The following CCSER1 variants were observed in gnomAD, a reference collection of about 807,000 sequenced individuals.
CCSER1 encodes serine-rich coiled-coil domain-containing protein 1.
A neutral mutation model predicts 82.0 loss-of-function variants in CCSER1; 41 were observed. The observed-to-expected ratio is 0.50, with a 90% confidence interval of 0.39 to 0.65. The LOEUF (loss-of-function observed/expected upper bound fraction) is 0.65. Among genes scored for constraint, CCSER1 ranks in the 30% least tolerant of loss-of-function variants. The probability of loss-of-function intolerance (pLI) is 0.00; values close to 1 mark genes in which losing one functional copy is unlikely to be tolerated. For missense variants in CCSER1, 1,119 were observed against 1,064.2 expected, an observed-to-expected ratio of 1.05 and a Z score of -0.72; for synonymous variants, 414 against 383.9, an observed-to-expected ratio of 1.08 and a Z score of -0.92.
intron 10 of CCSER1, among the ~76,000 whole-genome samples, chr4:91,197,777 C>G (rs1735572233): frequency 6.6e-6 from 1 of 152,084 alleles, no homozygotes; most frequent in Non-Finnish European, 1.5e-5. Flanking sequence ...ATACGTGCCC[C>G]CATGGTATCT....
At chr4:90,362,543 T>C (rs1461056316) in intron 3 of CCSER1, among the ~76,000 whole-genome samples, 2 of 152,220 alleles carry the variant, frequency 1.3e-5, no homozygotes, top group African/African-American at 4.8e-5. Flanking sequence ...CTAGCTCTTA[T>C]TCAAAATCTC....
chr4:91,312,148 C>T (rs956318694), intron 10 of CCSER1, among the ~76,000 whole-genome samples: 13 of 151,666 alleles, frequency 8.6e-5, no homozygotes, highest in African/African-American at 2.9e-4. Context: ...ATTCTAGTTG[C>T]ACAGTAAGTC....
chr4:91,443,681 GA>G (rs1755362019), intron 10 of CCSER1, among the ~76,000 whole-genome samples: 1 of 147,200 alleles, frequency 6.8e-6, no homozygotes, highest in Non-Finnish European at 1.5e-5. Flanking sequence ...TAAAATAAAA[GA>G]AAATAATATT....
chr4:90,955,903 T>C (rs1031756091), intron 9 of CCSER1, among the ~76,000 whole-genome samples: 2 of 152,270 alleles, frequency 1.3e-5, no homozygotes, highest in Middle Eastern at 3.4e-3. Flanking sequence ...AAGAAGCCAA[T>C]CTAAAATAGA....
At chr4:90,413,903 T>C (rs765345716) in intron 4 of CCSER1, among the ~76,000 whole-genome samples, 13 of 123,240 alleles carry the variant, frequency 1.1e-4, no homozygotes, top group East Asian at 4.9e-4. Flanking sequence ...GAGCCAAGAT[T>C]GCGCCACTGC....
At chr4:91,108,512 A>T (rs1298146511) in intron 10 of CCSER1, among the ~76,000 whole-genome samples, 1 of 152,240 alleles carries the variant, frequency 6.6e-6, no homozygotes, top group African/African-American at 2.4e-5. Flanking sequence ...ACCATTGTCA[A>T]ACCAAATCAT....
intron 10 of CCSER1, among the ~76,000 whole-genome samples, chr4:91,171,996 T>G (rs1322587377): frequency 6.6e-6 from 1 of 152,096 alleles, no homozygotes; most frequent in African/African-American, 2.4e-5. Flanking sequence ...CTTCTTTATA[T>G]TCAATAAAAA....
intron 10 of CCSER1, among the ~76,000 whole-genome samples, chr4:91,477,220 G>A (rs1757644269): frequency 6.6e-6 from 1 of 151,628 alleles, no homozygotes; most frequent in Non-Finnish European, 1.5e-5. Flanking sequence ...TAACTTAATA[G>A]TAAAAAATAA....
intron 1 of CCSER1, among the ~76,000 whole-genome samples, chr4:90,247,353 T>C (rs1252275001): frequency 6.6e-6 from 1 of 152,114 alleles, no homozygotes; most frequent in Non-Finnish European, 1.5e-5. Flanking sequence ...TAGTTGTTGA[T>C]ACATCCTGGT....
At chr4:90,615,261 A>G (rs971834706) in intron 5 of CCSER1, among the ~76,000 whole-genome samples, 5 of 152,214 alleles carry the variant, frequency 3.3e-5, no homozygotes, top group Admixed American at 2.0e-4. Context: ...GCCGTCTAAC[A>G]GAACATCCAT....
chr4:91,474,806 TATATATACACAC>T (rs1407136296), intron 10 of CCSER1, among the ~76,000 whole-genome samples: 363 of 65,836 alleles, frequency 5.5e-3, no homozygotes, highest in African/African-American at 0.016. Context: ...TATATATATA[TATATATACACAC>T]ACACACACAC....
intron 10 of CCSER1, among the ~76,000 whole-genome samples, chr4:91,237,883 T>A (rs1739139255): frequency 1.3e-5 from 2 of 152,182 alleles, no homozygotes; most frequent in South Asian, 4.1e-4. Flanking sequence ...GTGAGTGAAT[T>A]TATTTGAGAG....
At chr4:91,350,907 CATATT>C (rs1270175393) in intron 10 of CCSER1, among the ~76,000 whole-genome samples, 1 of 151,756 alleles carries the variant, frequency 6.6e-6, no homozygotes, top group African/African-American at 2.4e-5. Context: ...AGTCTTAAAA[CATATT>C]ATTATTTTAT....
intron 10 of CCSER1, among the ~76,000 whole-genome samples, chr4:91,219,320 T>TC (rs1192808263): frequency 6.7e-6 from 1 of 148,966 alleles, no homozygotes; most frequent in Non-Finnish European, 1.5e-5. Context: ...TTTTTTTTTT[T>TC]TTTTTTTTTT....
At chr4:90,521,582 G>A (rs1773143886) in intron 5 of CCSER1, among the ~76,000 whole-genome samples, 1 of 152,084 alleles carries the variant, frequency 6.6e-6, no homozygotes, top group South Asian at 2.1e-4. Context: ...AAAGAAAATG[G>A]TAACTATAAA....
chr4:90,744,581 A>G (rs1230045745), intron 7 of CCSER1, among the ~76,000 whole-genome samples: 3 of 152,184 alleles, frequency 2.0e-5, no homozygotes, highest in Non-Finnish European at 2.9e-5. Flanking sequence ...AATAGACTTT[A>G]CAGATGATCT....
At chr4:91,563,764 C>T (rs72886306) in intron 10 of CCSER1, among the ~76,000 whole-genome samples, 6,585 of 151,766 alleles carry the variant, frequency 0.043, 302 homozygotes, top group African/African-American at 0.12. Context: ...TTGTCTCTTT[C>T]GGCAAAGGAC....
chr4:90,515,802 A>T (rs1772184694), intron 5 of CCSER1, among the ~76,000 whole-genome samples: 1 of 152,220 alleles, frequency 6.6e-6, no homozygotes, highest in Non-Finnish European at 1.5e-5. Flanking sequence ...TGTCAGAACT[A>T]GGATTCAAAC....
intron 10 of CCSER1, among the ~76,000 whole-genome samples, chr4:91,213,910 T>C (rs1737034724): frequency 6.6e-6 from 1 of 152,164 alleles, no homozygotes; most frequent in African/African-American, 2.4e-5. Flanking sequence ...ACTGTGCTTG[T>C]TATGTTGTCT....
Sources: gnomAD v4.1 joint callset for allele counts (sites outside exome capture counted in the v4.1 genomes callset) on GRCh38, gnomAD v4.1.1 for gene constraint, MANE v1.5 for transcripts, NCBI Gene and HGNC (gene_info 2026-07-23, HGNC 2026-07-21) for gene names.